Variants in ZNF407 observed in about 807,000 individuals in gnomAD.
ZNF407 encodes zinc finger protein 407.
ZNF407 carries 17 observed loss-of-function variants against 131.2 expected under a neutral mutation model. The observed-to-expected ratio is 0.13, with a 90% CI of 0.09 to 0.19. The LOEUF (loss-of-function observed/expected upper bound fraction) is 0.19, where lower values mean the gene tolerates loss of function less well. Among genes scored for constraint, ZNF407 ranks in the 10% least tolerant of loss-of-function variants. ZNF407 has a pLI of 1.00. For missense variants in ZNF407, 2,681 were observed against 2,830.6 expected, an observed-to-expected ratio of 0.95 and a Z score of 1.20; for synonymous variants, 1,156 against 1,062.0, an observed-to-expected ratio of 1.09 and a Z score of -1.72.
At chr18:75,003,405 C>T (rs1432334467) in intron 8 of ZNF407, among the ~76,000 whole-genome samples, 1 of 152,158 alleles carries the variant, frequency 6.6e-6, no homozygotes, top group African/African-American at 2.4e-5. Flanking sequence ...ATCCCTTGGA[C>T]AAGTTCTTGT....
At chr18:75,013,947 A>T (rs560476103) in intron 8 of ZNF407, among the ~76,000 whole-genome samples, 17 of 152,236 alleles carry the variant, frequency 1.1e-4, no homozygotes, top group South Asian at 2.1e-4. Flanking sequence ...GAGGAAATTC[A>T]TTCACTACAT....
intron 7 of ZNF407, chr18:74,905,432 A>C (rs1287328231): frequency 6.6e-6 from 1 of 152,276 alleles, no homozygotes; most frequent in Admixed American, 6.5e-5. Context: ...GAGGCACACG[A>C]GAGCCGGTTG....
chr18:74,605,554 TAAAAAATC>T (rs1457933186), intron 1 of ZNF407, among the ~76,000 whole-genome samples: 1 of 152,040 alleles, frequency 6.6e-6, no homozygotes, highest in Admixed American at 6.6e-5. Context: ...AATAAAAAAT[TAAAAAATC>T]AAAAAATCAT....
intron 3 of ZNF407, among the ~76,000 whole-genome samples, chr18:74,641,509 T>A (rs955218288): frequency 2.6e-5 from 4 of 152,174 alleles, no homozygotes; most frequent in African/African-American, 9.6e-5. Context: ...TTTATCACAG[T>A]AGTAGCTCTT....
At chr18:74,904,072 C>G (rs974052555) in intron 7 of ZNF407, among the ~76,000 whole-genome samples, 7 of 152,174 alleles carry the variant, frequency 4.6e-5, no homozygotes, top group Admixed American at 1.3e-4. Flanking sequence ...TTCCCCAAAG[C>G]CCTAGGAGTA....
chr18:74,601,747 G>A (rs1022210816), intron 1 of ZNF407, among the ~76,000 whole-genome samples: 4 of 152,210 alleles, frequency 2.6e-5, no homozygotes, highest in African/African-American at 9.6e-5. Flanking sequence ...AGCCATTCAG[G>A]AGGGACACCC....
intron 3 of ZNF407, among the ~76,000 whole-genome samples, chr18:74,677,944 C>G (rs1417466110): frequency 6.6e-6 from 1 of 152,082 alleles, no homozygotes; most frequent in African/African-American, 2.4e-5. Flanking sequence ...CCTCAGCCTC[C>G]CAAGTAGCTG....
intron 3 of ZNF407, among the ~76,000 whole-genome samples, chr18:74,774,501 C>T (rs1422483677): frequency 6.6e-6 from 1 of 152,116 alleles, no homozygotes; most frequent in Non-Finnish European, 1.5e-5. Flanking sequence ...GGAATGTGAA[C>T]CTGACGTTAC....
intron 4 of ZNF407, among the ~76,000 whole-genome samples, chr18:74,835,218 G>T (rs1411319771): frequency 6.6e-6 from 1 of 152,178 alleles, no homozygotes; most frequent in African/African-American, 2.4e-5. Context: ...CATCAAGGCG[G>T]ACATCTGACC....
chr18:74,665,377 A>G (rs1349137375), intron 3 of ZNF407, among the ~76,000 whole-genome samples: 2 of 152,174 alleles, frequency 1.3e-5, no homozygotes, highest in African/African-American at 4.8e-5. Context: ...CTGGGGAACC[A>G]GCTATTGTAT....
intron 3 of ZNF407, among the ~76,000 whole-genome samples, chr18:74,780,902 G>A (rs1294670173): frequency 1.3e-5 from 2 of 151,838 alleles, no homozygotes; most frequent in Non-Finnish European, 2.9e-5. Context: ...TTGATATCTA[G>A]GTACTTCAAT....
At chr18:74,956,970 A>G (rs904672784) in intron 8 of ZNF407, among the ~76,000 whole-genome samples, 4 of 152,230 alleles carry the variant, frequency 2.6e-5, no homozygotes, top group Non-Finnish European at 5.9e-5. Context: ...TACTCATGTC[A>G]GCAGTCAACA....
chr18:74,859,478 T>C (rs891845874), intron 4 of ZNF407, among the ~76,000 whole-genome samples: 2 of 152,358 alleles, frequency 1.3e-5, no homozygotes, highest in East Asian at 1.9e-4. Flanking sequence ...GTAGGTTTTA[T>C]ATGTGTGTAA....
intron 1 of ZNF407, among the ~76,000 whole-genome samples, chr18:74,630,732 T>C (rs1984020512): frequency 6.6e-6 from 1 of 152,172 alleles, no homozygotes; most frequent in Non-Finnish European, 1.5e-5. Flanking sequence ...GAGAAATCAC[T>C]TTTTCTACCA....
At chr18:74,740,502 A>G (rs1968524537) in intron 3 of ZNF407, among the ~76,000 whole-genome samples, 1 of 152,170 alleles carries the variant, frequency 6.6e-6, no homozygotes, top group Non-Finnish European at 1.5e-5. Flanking sequence ...CTGTCTGCCA[A>G]CCATAGATCC....
chr18:74,895,335 G>C (rs1010184943), intron 7 of ZNF407, among the ~76,000 whole-genome samples: 15 of 151,092 alleles, frequency 9.9e-5, no homozygotes, highest in Non-Finnish European at 2.2e-4. Flanking sequence ...GTGTCTCTTT[G>C]ATTTCACATC....
chr18:74,746,972 C>A (rs891960810), intron 3 of ZNF407, among the ~76,000 whole-genome samples: 1 of 152,152 alleles, frequency 6.6e-6, no homozygotes, highest in Non-Finnish European at 1.5e-5. Flanking sequence ...AGCATCACCA[C>A]AAACGAATAA....
chr18:74,722,130 A>G (rs985805910), intron 3 of ZNF407, among the ~76,000 whole-genome samples: 1 of 150,120 alleles, frequency 6.7e-6, no homozygotes, highest in Non-Finnish European at 1.5e-5. Flanking sequence ...ATGTTTCTTG[A>G]TGTTGAACTT....
At chr18:74,654,653 A>G (rs1985371417) in intron 3 of ZNF407, among the ~76,000 whole-genome samples, 1 of 151,838 alleles carries the variant, frequency 6.6e-6, no homozygotes, top group Non-Finnish European at 1.5e-5. Flanking sequence ...TAAAAATAAC[A>G]TGTTAAACTA....
Sources: allele counts gnomAD v4.1 joint callset (sites outside exome capture counted in the v4.1 genomes callset), GRCh38; gene constraint gnomAD v4.1.1; transcripts MANE v1.5; gene names NCBI Gene and HGNC (gene_info 2026-07-23, HGNC 2026-07-21).